MKI67: variants seen among roughly 807,000 people sequenced by gnomAD.
MKI67 encodes proliferation marker protein Ki-67.
MKI67 carries 152 observed loss-of-function variants against 233.5 expected under a neutral mutation model. The observed-to-expected ratio is 0.65, with a 90% CI of 0.57 to 0.74. The LOEUF (loss-of-function observed/expected upper bound fraction) is 0.74. MKI67 is among the 30% of genes least tolerant of loss of function. The probability of loss-of-function intolerance (pLI) is 0.00; values close to 1 mark genes in which losing one functional copy is unlikely to be tolerated. For synonymous variants in MKI67, 1,465 were observed against 1,418.5 expected (o/e 1.03, Z -0.74); for missense variants, 3,940 against 3,885.2 (o/e 1.01, Z -0.37).
At chr10:128,126,038 G>T (rs549169776) in intron 1 of MKI67, 61 bp downstream of exon 1, 1 of 277,504 alleles carries the variant, frequency 3.6e-6, no homozygotes, top group Non-Finnish European at 6.9e-6. Flanking sequence ...AGAGCTCGGG[G>T]GGTCCCCGCG....
At position 128,101,444 on chromosome 10, in the gene MKI67, G is replaced by T; in HGVS notation, c.9519C>A (p.Ser3173Arg). The change falls in exon 14 of 15, where the codon AGC becomes AGA. Residue 3173 changes from serine (S) to arginine (R), a missense_variant. Ser to Arg is a moderately radical substitution (Grantham distance 110). Transcript: ENST00000368654. ...GAACCTTCGCACTCTTCTGCCCTCC[G>T]CTCTCCTCTGCCACCTTAGGCTGGG... ...ESSQPKVAEE[S>R]GGQKSAKVLM... 1 of 1,614,014 alleles carries T rather than the reference G, an allele frequency of 6.2e-7. No homozygotes were observed. The highest frequency in any genetic ancestry group is 8.5e-7 in the Non-Finnish European group (1 of 1,180,004).
chr10:128,120,078 CTCTT>C lies in MKI67; in HGVS notation c.288-763_288-760del, dbSNP rs374150371. 2.1e-3 allele frequency among the ~76,000 whole-genome samples: 324 copies of C among 152,352 alleles called. 2 individuals carry two copies. Among genetic ancestry groups the C allele is most frequent in the African/African-American group, 7.4e-3 (306 of 41,574 alleles). On this transcript the variant is annotated intron_variant, in intron 4 of 14. Coordinates refer to ENST00000368654, the MANE Select transcript of MKI67 (RefSeq NM_002417.5). ...TGGTAGAGAGTTTGGAATCAAGTCT[CTCTT>C]TCTAAGATTCACTTTCAAATCTTTG...
rs760096906 is a variant in MKI67, at chr10:128,108,551, G to A, written c.3289C>T (p.Gln1097Ter). The change falls in exon 13 of 15, where the codon CAG (glutamine) becomes TAG (stop). Residue 1097 changes from glutamine (Q) to a stop codon, truncating the protein, a stop_gained. Transcript: ENST00000368654. LOFTEE classifies it high-confidence loss of function. ...KWPRTPKEEA[Q>*]SLEDLAGFKE... ...AAGCCAGCCAGGTCTTCTAGTGACTGGGCCTCTTCCTTAGGCGTTCTTGGC... is the reference window on the plus strand; with the variant it reads ...AAGCCAGCCAGGTCTTCTAGTGACTAGGCCTCTTCCTTAGGCGTTCTTGGC... The A allele has an allele frequency of 2.5e-6, 4 of 1,614,166 alleles. No individual in the cohort carries two copies. The highest frequency in any genetic ancestry group is 2.7e-5 in the African/African-American group (2 of 75,030).
intron 6 of MKI67, 90 bp downstream of exon 6, chr10:128,116,401 A>G (rs1852808954): frequency 8.8e-7 from 1 of 1,134,136 alleles, no homozygotes; most frequent in Non-Finnish European, 1.3e-6. Flanking sequence ...GACATTTAGC[A>G]CTTGCATTCT....
Position 128,103,710 on chromosome 10 carries a change from T to C in MKI67, c.8130A>G (p.Pro2710=), listed in dbSNP as rs2136127674. 2 of 1,614,080 alleles carry C rather than the reference T, an allele frequency of 1.2e-6. No individual in the cohort carries two copies. The highest frequency in any genetic ancestry group is 2.2e-5 in the East Asian group (1 of 44,860). ...KATKIPCESP[P]LEVVDTTAST... ...TTGCTGTGGTGTCTACCACTTCTAG[T>C]GGGGGAGATTCGCAGGGTATTTTAG... The change falls in exon 13 of 15, where the codon CCA becomes CCG. Residue 2710 remains proline, a synonymous_variant. Coordinates refer to ENST00000368654, the MANE Select transcript of MKI67 (RefSeq NM_002417.5).
At chr10:128,121,633 G>A (rs997625031) in intron 4 of MKI67, among the ~76,000 whole-genome samples, 1 of 146,066 alleles carries the variant, frequency 6.8e-6, no homozygotes, top group Non-Finnish European at 1.5e-5. Flanking sequence ...ATGAGACACT[G>A]TAGAATACAG....
intron 7 of MKI67, among the ~76,000 whole-genome samples, chr10:128,113,916 C>T (rs1852736542): frequency 6.9e-6 from 1 of 145,436 alleles, no homozygotes; most frequent in South Asian, 2.2e-4. Context: ...AGGGGGACGA[C>T]AGCCAGAGAA....
chr10:128,118,913 T>A (rs1419964850), intron 5 of MKI67, among the ~76,000 whole-genome samples: 1 of 152,166 alleles, frequency 6.6e-6, no homozygotes, highest in Admixed American at 6.5e-5. Context: ...GGCGACAAAA[T>A]GAGCCACCAG....
In MKI67 at chr10:128,105,363, C is replaced by T. The variant is rs773701172; in HGVS notation, c.6477G>A (p.Val2159=). ...GTTTCTGTTTTGCAGTTTCCCTGAA[C>T]ACGTTGATGCCTTTATCCTCATCTC... is the stretch of plus-strand genomic sequence containing the variant. ...VPGDEDKGIN[V]FRETAKQKLD... Residue 2159 remains valine (V), a synonymous_variant, in exon 13 of 15, where the codon GTG becomes GTA. Coordinates refer to ENST00000368654, the MANE Select transcript of MKI67 (RefSeq NM_002417.5). 4 of 1,614,140 alleles carry T rather than the reference C, an allele frequency of 2.5e-6. No homozygotes were observed. The highest frequency in any genetic ancestry group is 3.4e-6 in the Non-Finnish European group (4 of 1,180,030).
Position 128,106,142 on chromosome 10 carries a change from C to A in MKI67, c.5698G>T (p.Ala1900Ser), listed in dbSNP as rs1256546398. ...FLAFRKLTPSAGKAMHTPKAA... is the reference protein window; with the variant it reads ...FLAFRKLTPSSGKAMHTPKAA... ...TTAGGCGTGTGCATGGCTTTGCCTG[C>A]TGATGGTGTTAGTTTCCTGAATGCT... The change falls in exon 13 of 15, where the codon GCA (alanine) becomes TCA (serine). Residue 1900 changes from alanine to serine, a missense_variant. Coordinates refer to ENST00000368654, the MANE Select transcript of MKI67 (RefSeq NM_002417.5). 6.2e-7 allele frequency: 1 copy of A among 1,614,020 alleles called. No individual in the cohort carries two copies. Among genetic ancestry groups the A allele is most frequent in the African/African-American group, 1.3e-5 (1 of 74,978 alleles).
At chr10:128,119,667 C>A (rs543897003) in intron 4 of MKI67, among the ~76,000 whole-genome samples, 9 of 152,182 alleles carry the variant, frequency 5.9e-5, no homozygotes, top group African/African-American at 2.2e-4. Context: ...TAGTTTAAGT[C>A]CATGGAAATC....
Position 128,115,749 on chromosome 10 carries a change from G to C in MKI67, c.659C>G (p.Ser220Cys), listed in dbSNP as rs1003005387. 1 of 1,613,518 alleles carries C rather than the reference G, an allele frequency of 6.2e-7. No individual in the cohort carries two copies. The highest frequency in any genetic ancestry group is 1.3e-5 in the African/African-American group (1 of 75,052). ...GTCAAGACATTGTGTAGTGGGAACAGACTTCAATTCTCCATAACGGCTCAC... is the reference window on the plus strand; with the variant it reads ...GTCAAGACATTGTGTAGTGGGAACACACTTCAATTCTCCATAACGGCTCAC... ...KLVSRYGELKSVPTTQCLDNS... is the reference protein window; with the variant it reads ...KLVSRYGELKCVPTTQCLDNS... Residue 220 changes from serine to cysteine, a missense_variant, in exon 7 of 15, where the codon TCT becomes TGT. Coordinates refer to ENST00000368654, the MANE Select transcript of MKI67 (RefSeq NM_002417.5).
chr10:128,115,231 T>G lies in MKI67; in HGVS notation c.1177A>C (p.Arg393=), dbSNP rs763431256. Residue 393 remains arginine, a synonymous_variant, in exon 7 of 15, where the codon AGG becomes CGG. Coordinates refer to ENST00000368654, the MANE Select transcript of MKI67 (RefSeq NM_002417.5). ...GTTCGATTTCTAGTTGAAAGCTTCC[T>G]GGGAGTAAGAGTTTTATCACCAGCC... ...FKAGDKTLTP[R]KLSTRNRTPA... is the part of the protein sequence containing the mutation. 5.0e-6 allele frequency: 8 copies of G among 1,614,262 alleles called. No individual in the cohort carries two copies. The highest frequency in any genetic ancestry group is 4.5e-5 in the East Asian group (2 of 44,888).
At position 128,109,136 on chromosome 10, in the gene MKI67, C is replaced by G; in HGVS notation, c.2704G>C (p.Glu902Gln). Residue 902 changes from glutamate (E) to glutamine (Q), a missense_variant, in exon 13 of 15, where the codon GAG becomes CAG. Coordinates refer to ENST00000368654, the MANE Select transcript of MKI67 (RefSeq NM_002417.5). ...KSEETNTEIVECILKRGQKAT... is the reference protein window; with the variant it reads ...KSEETNTEIVQCILKRGQKAT... ...TTCTGACCTCTTTTTAGGATGCACT[C>G]AACAATTTCTGTATTTGTTTCTTCA... The G allele has an allele frequency of 5.0e-6, 8 of 1,614,162 alleles. No homozygotes were observed. The highest frequency in any genetic ancestry group is 6.8e-6 in the Non-Finnish European group (8 of 1,180,018).
In MKI67 at chr10:128,107,680, G is replaced by A; in HGVS notation, c.4160C>T (p.Thr1387Ile). 1.2e-6 allele frequency: 2 copies of A among 1,613,936 alleles called. No homozygotes were observed. Among genetic ancestry groups the A allele is most frequent in the Non-Finnish European group, 1.7e-6 (2 of 1,180,022 alleles). Reference sequence around the variant, plus strand: ...CAAAGGTGTCTTGGGCTGCCTTCTTGTGCTTGTTGGGGTGTCTGCTGATTC... The same window carrying A: ...CAAAGGTGTCTTGGGCTGCCTTCTTATGCTTGTTGGGGTGTCTGCTGATTC... ...PPESADTPTS[T>I]RRQPKTPLEK... Residue 1387 changes from threonine (T) to isoleucine (I), a missense_variant, in exon 13 of 15, where the codon ACA (threonine) becomes ATA (isoleucine). Physicochemically the swap from Thr to Ile is moderately conservative, Grantham distance 89. Coordinates refer to ENST00000368654, the MANE Select transcript of MKI67 (RefSeq NM_002417.5).
Position 128,115,375 on chromosome 10 carries a change from T to C in MKI67, c.1033A>G (p.Met345Val). 1 of 1,614,210 alleles carries C rather than the reference T, an allele frequency of 6.2e-7. No homozygotes were observed. The highest frequency in any genetic ancestry group is 1.3e-5 in the African/African-American group (1 of 75,062). ...TGTGAATATTGTACAGGGGTCTTCATTTTAGCCGGCTCATAGAGAGGAAAG... is the reference window on the plus strand; with the variant it reads ...TGTGAATATTGTACAGGGGTCTTCACTTTAGCCGGCTCATAGAGAGGAAAG... ...ASFPLYEPAK[M>V]KTPVQYSQQQ... The change falls in exon 7 of 15, where the codon ATG (methionine) becomes GTG (valine). Residue 345 changes from methionine to valine, a missense_variant. Met to Val is a conservative substitution (Grantham distance 21). Coordinates refer to ENST00000368654, the MANE Select transcript of MKI67 (RefSeq NM_002417.5).
At position 128,101,721 on chromosome 10, in the gene MKI67, T is replaced by G. The variant is rs769424940; in HGVS notation, c.9262-20A>C. The G allele has an allele frequency of 1.9e-6, 3 of 1,543,346 alleles. No homozygotes were observed. Among genetic ancestry groups the G allele is most frequent in the South Asian group, 2.5e-5 (2 of 80,814 alleles). ...TATTCCCTAAAGAAATGAGAAGACA[T>G]CCACAAAATTCCAATAATTAGTAAA... On this transcript the variant is annotated intron_variant, in intron 13 of 14. Coordinates refer to ENST00000368654, the MANE Select transcript of MKI67 (RefSeq NM_002417.5).
intron 5 of MKI67, among the ~76,000 whole-genome samples, chr10:128,117,734 TG>T (rs1421831791): frequency 6.6e-6 from 1 of 152,232 alleles, no homozygotes; most frequent in South Asian, 2.1e-4. Context: ...AAGAATCTTA[TG>T]ACTAAACAAT....
At chr10:128,117,079 T>C (rs1852822343) in intron 5 of MKI67, among the ~76,000 whole-genome samples, 1 of 152,338 alleles carries the variant, frequency 6.6e-6, no homozygotes, top group Admixed American at 6.5e-5. Flanking sequence ...AGGAAACAAA[T>C]TCGAGGCTTA....
Sources: gnomAD v4.1 joint callset for allele counts (sites outside exome capture counted in the v4.1 genomes callset) on GRCh38, gnomAD v4.1.1 for gene constraint, MANE v1.5 for transcripts, NCBI Gene and HGNC (gene_info 2026-07-23, HGNC 2026-07-21) for gene names.